The following HERC3 variants were observed in gnomAD, a reference collection of about 807,000 sequenced individuals.
The protein encoded by HERC3 is HECT and RLD domain containing E3 ubiquitin protein ligase 3, also known as probable E3 ubiquitin-protein ligase HERC3.
In HERC3, 58 loss-of-function variants were observed where a neutral mutation model predicts 129.9. That is an observed-to-expected ratio of 0.45 (90% CI 0.36 to 0.56). HERC3 has a LOEUF of 0.56. Among genes scored for constraint, HERC3 ranks in the 20% least tolerant of loss-of-function variants. The pLI, the probability that HERC3 is intolerant of heterozygous loss-of-function variation, is 0.00. For synonymous variants in HERC3, 430 were observed against 451.0 expected, an observed-to-expected ratio of 0.95 and a Z score of 0.59; for missense variants, 835 against 1,244.2, an observed-to-expected ratio of 0.67 and a Z score of 4.95.
intron 3 of HERC3, among the ~76,000 whole-genome samples, chr4:88,628,908 C>T (rs1013205012): frequency 6.6e-6 from 1 of 152,158 alleles, no homozygotes; most frequent in Non-Finnish European, 1.5e-5. Flanking sequence ...GGCGCGGTGG[C>T]TCATGGCTGT....
chr4:88,590,879 TTTTC>T (rs1452296689), upstream of HERC3, among the ~76,000 whole-genome samples: 20 of 147,890 alleles, frequency 1.4e-4, no homozygotes, highest in East Asian at 1.2e-3. Context: ...CTTTTTTCCT[TTTTC>T]TTTCTTTTTT....
intron 2 of HERC3, among the ~76,000 whole-genome samples, chr4:88,596,421 A>G (rs1379945271): frequency 1.3e-5 from 2 of 152,208 alleles, no homozygotes; most frequent in African/African-American, 4.8e-5. Flanking sequence ...TCTGGAAAAT[A>G]AAAGTGGTTA....
chr4:88,536,302 C>A, the HERC3 span, among the ~76,000 whole-genome samples: 1 of 152,188 alleles, frequency 6.6e-6, no homozygotes, highest in Non-Finnish European at 1.5e-5. Flanking sequence ...AATATCTTTA[C>A]TCCATTGTCC....
chr4:88,555,212 G>A, the HERC3 span, among the ~76,000 whole-genome samples: 1 of 151,740 alleles, frequency 6.6e-6, no homozygotes, highest in Non-Finnish European at 1.5e-5. Flanking sequence ...GAACCTGGGA[G>A]GCGGAGGTTG....
chr4:88,548,362 A>C, the HERC3 span, among the ~76,000 whole-genome samples: 1 of 152,166 alleles, frequency 6.6e-6, no homozygotes, highest in African/African-American at 2.4e-5. Flanking sequence ...AGGTCTTGTT[A>C]TTATCTTGTC....
the HERC3 span, among the ~76,000 whole-genome samples, chr4:88,532,789 T>C: frequency 1.3e-5 from 2 of 152,166 alleles, no homozygotes; most frequent in Non-Finnish European, 2.9e-5. Flanking sequence ...AGAGTTGTAA[T>C]ATTTAGGAAA....
chr4:88,578,419 T>C, the HERC3 span, among the ~76,000 whole-genome samples: 7 of 151,814 alleles, frequency 4.6e-5, no homozygotes, highest in African/African-American at 1.7e-4. Flanking sequence ...CCATCTCTAC[T>C]AAAAATACAA....
chr4:88,639,227 T>C (rs1185808295), intron 3 of HERC3, among the ~76,000 whole-genome samples: 2 of 152,068 alleles, frequency 1.3e-5, no homozygotes, highest in Non-Finnish European at 2.9e-5. Context: ...TCTTCACAGA[T>C]TTAGAAAAAA....
chr4:88,659,939 A>G (rs369725833), intron 10 of HERC3, among the ~76,000 whole-genome samples: 2 of 152,294 alleles, frequency 1.3e-5, no homozygotes, highest in East Asian at 1.9e-4. Flanking sequence ...GTAGCATACT[A>G]TTAGAGAGGC....
chr4:88,700,606 T>C (rs1735230669), intron 23 of HERC3, among the ~76,000 whole-genome samples: 1 of 152,174 alleles, frequency 6.6e-6, no homozygotes, highest in Admixed American at 6.5e-5. Flanking sequence ...TCTGCGTTTT[T>C]AGGTATTTGC....
chr4:88,523,901 T>G, the HERC3 span: 8 of 552,300 alleles, frequency 1.4e-5, no homozygotes, highest in Middle Eastern at 4.7e-4. Context: ...TCATCTATAG[T>G]CCGGAGGACA....
chr4:88,652,146 G>A, intron 5 of HERC3, 58 bp downstream of exon 5: 1 of 1,277,188 alleles, frequency 7.8e-7, no homozygotes, highest in South Asian at 1.2e-5. Flanking sequence ...ATTTCTCTTT[G>A]TCTTTTTGTG....
the HERC3 span, among the ~76,000 whole-genome samples, chr4:88,576,815 T>C: frequency 9.2e-5 from 14 of 152,226 alleles, no homozygotes; most frequent in African/African-American, 3.4e-4. Flanking sequence ...AAGTTTCATA[T>C]AATAAAGCCT....
the HERC3 span, among the ~76,000 whole-genome samples, chr4:88,531,585 A>G: frequency 2.0e-5 from 3 of 152,204 alleles, no homozygotes; most frequent in East Asian, 3.9e-4. Context: ...TGCTCTCTCA[A>G]CCTCCATCTG....
intron 3 of HERC3, among the ~76,000 whole-genome samples, chr4:88,621,461 A>C (rs1018149321): frequency 1.8e-4 from 27 of 152,230 alleles, no homozygotes; most frequent in Admixed American, 1.7e-3. Flanking sequence ...AAAACTTTCT[A>C]ATTAAGGAGT....
At chr4:88,614,481 C>T (rs1724688132) in intron 3 of HERC3, among the ~76,000 whole-genome samples, 1 of 152,052 alleles carries the variant, frequency 6.6e-6, no homozygotes, top group African/African-American at 2.4e-5. Context: ...ACTTGCCCAC[C>T]CAGAAGCTTG....
chr4:88,645,290 A>G (rs934699233), intron 3 of HERC3, among the ~76,000 whole-genome samples: 2 of 152,184 alleles, frequency 1.3e-5, no homozygotes, highest in Non-Finnish European at 2.9e-5. Flanking sequence ...GGTAGGGTGA[A>G]GAACTGGGTT....
At chr4:88,585,318 T>C in the HERC3 span, among the ~76,000 whole-genome samples, 1 of 152,212 alleles carries the variant, frequency 6.6e-6, no homozygotes, top group Non-Finnish European at 1.5e-5. Context: ...TCAAAGTACA[T>C]GTCCATCTTG....
chr4:88,564,737 C>G, the HERC3 span, among the ~76,000 whole-genome samples: 8 of 151,996 alleles, frequency 5.3e-5, no homozygotes, highest in Admixed American at 3.3e-4. Flanking sequence ...TATCTCTGCT[C>G]TGATCTTTAT....
Sources: gnomAD v4.1 joint callset for allele counts (sites outside exome capture counted in the v4.1 genomes callset) on GRCh38, gnomAD v4.1.1 for gene constraint, MANE v1.5 for transcripts, NCBI Gene and HGNC (gene_info 2026-07-23, HGNC 2026-07-21) for gene names.